The following LRRC4C variants were observed in gnomAD, a reference collection of about 807,000 sequenced individuals.
The protein encoded by LRRC4C is leucine-rich repeat-containing protein 4C.
Under a neutral mutation model 33.6 loss-of-function variants are expected in LRRC4C, and 5 were observed. That is an observed-to-expected ratio of 0.15 (90% CI 0.08 to 0.31). The LOEUF is 0.31. Ranked by LOEUF, LRRC4C falls within the 10% of genes least tolerant of loss-of-function variation. LRRC4C has a pLI of 1.00. For synonymous variants in LRRC4C, 329 were observed against 302.0 expected (o/e 1.09, Z -0.93); for missense variants, 560 against 796.7 (o/e 0.70, Z 3.58).
At chr11:40,240,685 T>C (rs1865872282) in intron 5 of LRRC4C, among the ~76,000 whole-genome samples, 1 of 152,208 alleles carries the variant, frequency 6.6e-6, no homozygotes, top group African/African-American at 2.4e-5. Context: ...AGTTTTCAAC[T>C]AACTAAAACC....
intron 5 of LRRC4C, among the ~76,000 whole-genome samples, chr11:40,189,712 A>G (rs1266602159): frequency 6.6e-6 from 1 of 152,218 alleles, no homozygotes; most frequent in Non-Finnish European, 1.5e-5. Flanking sequence ...TAAGGCCTCT[A>G]TGTGATCATT....
chr11:41,238,835 G>A (rs565126385), intron 1 of LRRC4C, among the ~76,000 whole-genome samples: 5 of 152,134 alleles, frequency 3.3e-5, no homozygotes, highest in East Asian at 3.9e-4. Flanking sequence ...AAAGGTTATC[G>A]TTCCTCCAAG....
intron 1 of LRRC4C, among the ~76,000 whole-genome samples, chr11:41,288,658 A>G (rs922038250): frequency 6.6e-6 from 1 of 152,192 alleles, no homozygotes; most frequent in Admixed American, 6.5e-5. Flanking sequence ...CCCACTTATT[A>G]TATCACAAAT....
intron 3 of LRRC4C, among the ~76,000 whole-genome samples, chr11:40,622,465 G>A (rs978552133): frequency 6.6e-5 from 10 of 151,722 alleles, no homozygotes; most frequent in Non-Finnish European, 1.2e-4. Context: ...AGAACAATTA[G>A]ATTTCTCCCT....
chr11:40,567,806 A>G (rs1957826871), intron 3 of LRRC4C, among the ~76,000 whole-genome samples: 1 of 152,194 alleles, frequency 6.6e-6, no homozygotes, highest in African/African-American at 2.4e-5. Flanking sequence ...GTCTCTCTAT[A>G]ATGTCACTGG....
chr11:40,320,386 T>A (rs1945785288), intron 3 of LRRC4C, among the ~76,000 whole-genome samples: 1 of 151,892 alleles, frequency 6.6e-6, no homozygotes, highest in South Asian at 2.1e-4. Context: ...GCGCCTGTAG[T>A]CCCAGCTGCT....
chr11:40,645,765 C>T (rs554096126), intron 3 of LRRC4C, among the ~76,000 whole-genome samples: 4 of 152,244 alleles, frequency 2.6e-5, no homozygotes, highest in African/African-American at 9.6e-5. Flanking sequence ...ATCCCAGCTC[C>T]GTGGGTACCC....
intron 5 of LRRC4C, among the ~76,000 whole-genome samples, chr11:40,182,422 T>G (rs748547698): frequency 6.6e-6 from 1 of 152,214 alleles, no homozygotes; most frequent in Non-Finnish European, 1.5e-5. Flanking sequence ...AAAGAGTTAC[T>G]GTATAAAATT....
chr11:41,157,428 G>GA (rs760743840), intron 1 of LRRC4C, among the ~76,000 whole-genome samples: 4 of 151,278 alleles, frequency 2.6e-5, no homozygotes, highest in Admixed American at 6.6e-5. Context: ...ACCATATATG[G>GA]AAAAAAAAGA....
chr11:40,126,966 A>T (rs1248033983), intron 6 of LRRC4C, among the ~76,000 whole-genome samples: 2 of 151,820 alleles, frequency 1.3e-5, no homozygotes, highest in African/African-American at 2.4e-5. Flanking sequence ...TCTCAAAAAA[A>T]AAAAATAAAT....
intron 2 of LRRC4C, among the ~76,000 whole-genome samples, chr11:40,762,799 T>C (rs916001899): frequency 3.3e-5 from 5 of 152,016 alleles, no homozygotes; most frequent in Non-Finnish European, 5.9e-5. Context: ...TTATTAGGTT[T>C]GTTTTGTCTC....
At chr11:40,258,143 A>AT (rs922257942) in intron 4 of LRRC4C, among the ~76,000 whole-genome samples, 2 of 152,132 alleles carry the variant, frequency 1.3e-5, no homozygotes, top group Admixed American at 1.3e-4. Context: ...CTAGATGAAT[A>AT]TTTTACCTAC....
intron 1 of LRRC4C, among the ~76,000 whole-genome samples, chr11:41,368,180 A>G (rs910113937): frequency 6.6e-6 from 1 of 152,206 alleles, no homozygotes; most frequent in African/African-American, 2.4e-5. Flanking sequence ...CCTTTGTTTC[A>G]GACAACTGAA....
chr11:40,442,747 G>T (rs1361691249), intron 3 of LRRC4C, among the ~76,000 whole-genome samples: 2 of 152,144 alleles, frequency 1.3e-5, no homozygotes, highest in Non-Finnish European at 2.9e-5. Flanking sequence ...CAGAACATTT[G>T]TATTCCAGTA....
chr11:41,415,870 T>C (rs1338068573), intron 1 of LRRC4C, among the ~76,000 whole-genome samples: 1 of 152,134 alleles, frequency 6.6e-6, no homozygotes, highest in African/African-American at 2.4e-5. Context: ...TATAGACTGC[T>C]TTTGAGCTCT....
chr11:40,744,006 C>T (rs1446370477), intron 2 of LRRC4C, among the ~76,000 whole-genome samples: 1 of 152,104 alleles, frequency 6.6e-6, no homozygotes, highest in African/African-American at 2.4e-5. Context: ...CCTGCACTAA[C>T]CCCAAATCTC....
intron 2 of LRRC4C, among the ~76,000 whole-genome samples, chr11:40,736,089 G>A (rs1026053838): frequency 6.6e-6 from 1 of 151,918 alleles, no homozygotes; most frequent in African/African-American, 2.4e-5. Flanking sequence ...AGGTGTACAC[G>A]TGCCATGGTG....
intron 2 of LRRC4C, among the ~76,000 whole-genome samples, chr11:40,760,800 TACACACAC>T (rs796080368): frequency 1.9e-5 from 1 of 52,856 alleles, no homozygotes; most frequent in South Asian, 5.1e-4. Context: ...TATATATATA[TACACACAC>T]ACACACACAC....
intron 3 of LRRC4C, among the ~76,000 whole-genome samples, chr11:40,617,597 A>G (rs1042451877): frequency 2.0e-5 from 3 of 151,716 alleles, no homozygotes; most frequent in Non-Finnish European, 4.4e-5. Flanking sequence ...GGTTTCTGCC[A>G]TTCCTATGCT....
Sources: gnomAD v4.1 joint callset for allele counts (sites outside exome capture counted in the v4.1 genomes callset) on GRCh38, gnomAD v4.1.1 for gene constraint, MANE v1.5 for transcripts, NCBI Gene and HGNC (gene_info 2026-07-23, HGNC 2026-07-21) for gene names.